Variants in LCLAT1 observed in about 807,000 individuals in gnomAD.
LCLAT1 encodes the protein 1-AGP acyltransferase 8.
Under a neutral mutation model 30.7 loss-of-function variants are expected in LCLAT1, and 11 were observed. That is an observed-to-expected ratio of 0.36 (90% CI 0.23 to 0.59). The LOEUF (loss-of-function observed/expected upper bound fraction) is 0.59, where lower values mean the gene tolerates loss of function less well. Ranked by LOEUF, LCLAT1 falls within the 20% of genes least tolerant of loss-of-function variation. The pLI is 0.77. For missense variants in LCLAT1, 402 were observed against 458.6 expected, an observed-to-expected ratio of 0.88 and a Z score of 1.13; for synonymous variants, 155 against 151.3, an observed-to-expected ratio of 1.02 and a Z score of -0.18.
chr2:30,628,401 G>A (rs1357700824), intron 5 of LCLAT1, among the ~76,000 whole-genome samples: 2 of 152,186 alleles, frequency 1.3e-5, no homozygotes, highest in Non-Finnish European at 2.9e-5. Flanking sequence ...TTTTGGGAGG[G>A]ATATAAGGTA....
At chr2:30,505,436 T>A (rs1434168008) in intron 1 of LCLAT1, among the ~76,000 whole-genome samples, 1 of 152,110 alleles carries the variant, frequency 6.6e-6, no homozygotes, top group Non-Finnish European at 1.5e-5. Flanking sequence ...CTTTGTATAT[T>A]TATTGAGCAT....
chr2:30,490,677 G>A (rs1376362477), intron 1 of LCLAT1, among the ~76,000 whole-genome samples: 2 of 152,170 alleles, frequency 1.3e-5, no homozygotes, highest in African/African-American at 4.8e-5. Context: ...TTAAGATTTT[G>A]AACTCATAAA....
intron 5 of LCLAT1, chr2:30,605,925 C>T (rs1273534231): frequency 2.2e-6 from 2 of 897,008 alleles, no homozygotes; most frequent in East Asian, 1.0e-4. Flanking sequence ...ATAAGGAGCG[C>T]GCAACCTAGA....
At chr2:30,531,264 C>T (rs560858580) in intron 2 of LCLAT1, among the ~76,000 whole-genome samples, 51 of 151,520 alleles carry the variant, frequency 3.4e-4, no homozygotes, top group Non-Finnish European at 6.5e-4. Flanking sequence ...GACTCCGTCT[C>T]AAAAGAAAAA....
At position 30,471,040 on chromosome 2, in the gene LCLAT1, G is replaced by A. The variant is rs188645532; in HGVS notation, c.-5+23657G>A. ...GCAATTCTCTGCCTCAGCCTCCCGA[G>A]TAGCTGGGATTACAGGCGCCCACCA... is the stretch of plus-strand genomic sequence containing the variant. On this transcript the variant is annotated intron_variant, in intron 1 of 5. Coordinates refer to ENST00000379509, the MANE Select transcript of LCLAT1 (RefSeq NM_001002257.3). Among the ~76,000 whole-genome samples the A allele has an allele frequency of 7.1e-4, 106 of 148,868 alleles. No homozygotes were observed. The East Asian group carries it at 0.019, about 26-fold the overall frequency.
chr2:30,547,022 A>C (rs1373097286), intron 3 of LCLAT1, among the ~76,000 whole-genome samples: 1 of 151,878 alleles, frequency 6.6e-6, no homozygotes, highest in African/African-American at 2.4e-5. Context: ...TTAAGCCCCC[A>C]CAGGACTCAG....
intron 1 of LCLAT1, among the ~76,000 whole-genome samples, chr2:30,493,741 G>A (rs888863474): frequency 6.6e-6 from 1 of 151,990 alleles, no homozygotes; most frequent in Non-Finnish European, 1.5e-5. Flanking sequence ...TAGAATAATG[G>A]GGGCTATCAA....
chr2:30,522,501 A>T (rs1170021557), intron 1 of LCLAT1, among the ~76,000 whole-genome samples: 4 of 152,236 alleles, frequency 2.6e-5, no homozygotes, highest in Non-Finnish European at 5.9e-5. Context: ...ATGCAGAGTC[A>T]CATAGGAGCT....
intron 1 of LCLAT1, among the ~76,000 whole-genome samples, chr2:30,462,477 T>G (rs1558452639): frequency 6.6e-6 from 1 of 152,186 alleles, no homozygotes; most frequent in Non-Finnish European, 1.5e-5. Flanking sequence ...ATTTTGAGAA[T>G]TGTGACTGAG....
At chr2:30,537,045 A>G (rs746466072) in intron 3 of LCLAT1, among the ~76,000 whole-genome samples, 1 of 152,226 alleles carries the variant, frequency 6.6e-6, no homozygotes, top group Non-Finnish European at 1.5e-5. Context: ...TGCACATGGA[A>G]ACCAAACATG....
At chr2:30,584,051 T>G (rs1356862257) in intron 5 of LCLAT1, among the ~76,000 whole-genome samples, 5 of 151,302 alleles carry the variant, frequency 3.3e-5, no homozygotes, top group Non-Finnish European at 5.9e-5. Context: ...CAGGCCCTGG[T>G]GTGTGTTGTT....
intron 5 of LCLAT1, among the ~76,000 whole-genome samples, chr2:30,617,974 A>G (rs1048666750): frequency 1.3e-5 from 2 of 152,080 alleles, no homozygotes; most frequent in African/African-American, 4.8e-5. Flanking sequence ...TCTTATGAAG[A>G]GTAGATGTGT....
chr2:30,566,483 A>C (rs555773736), intron 4 of LCLAT1, among the ~76,000 whole-genome samples: 6 of 152,238 alleles, frequency 3.9e-5, no homozygotes, highest in Admixed American at 3.9e-4. Flanking sequence ...GCCCGGCTCA[A>C]TTCCTTTATC....
chr2:30,483,685 A>C (rs1167507763), intron 1 of LCLAT1, among the ~76,000 whole-genome samples: 1 of 152,190 alleles, frequency 6.6e-6, no homozygotes, highest in African/African-American at 2.4e-5. Context: ...GAGCTATAAG[A>C]GATCTGGCAT....
intron 1 of LCLAT1, among the ~76,000 whole-genome samples, chr2:30,488,627 T>C (rs2148322972): frequency 6.6e-6 from 1 of 152,374 alleles, no homozygotes; most frequent in South Asian, 2.1e-4. Context: ...CGTTTTTTCC[T>C]CTGGAAATAA....
intron 5 of LCLAT1, among the ~76,000 whole-genome samples, chr2:30,570,358 A>G (rs1422372833): frequency 6.6e-6 from 1 of 152,202 alleles, no homozygotes; most frequent in Non-Finnish European, 1.5e-5. Flanking sequence ...CTTGTATACT[A>G]TAATAATAAA....
In LCLAT1 at chr2:30,640,423, T is replaced by C. The variant is rs1322469049; in HGVS notation, c.935T>C (p.Ile312Thr). Residue 312 changes from isoleucine (I) to threonine (T), a missense_variant, in exon 6 of 6, where the codon ATA becomes ACA. Physicochemically the swap from Ile to Thr is moderately conservative, Grantham distance 89. Coordinates refer to ENST00000379509, the MANE Select transcript of LCLAT1 (RefSeq NM_001002257.3). ...GTCCTTGTGGTCAAATTGCTCTCTA[T>C]ACTGTATTGGACCCTGTTCAGCCCT... ...LRVLVVKLLS[I>T]LYWTLFSPAM... 1.9e-6 allele frequency: 3 copies of C among 1,614,232 alleles called. No individual in the cohort carries two copies. The highest frequency in any genetic ancestry group is 2.2e-5 in the South Asian group (2 of 91,088).
chr2:30,571,123 A>AT (rs1251831987), intron 5 of LCLAT1, among the ~76,000 whole-genome samples: 1 of 152,224 alleles, frequency 6.6e-6, no homozygotes, highest in Non-Finnish European at 1.5e-5. Flanking sequence ...AGCAGTTTAT[A>AT]TTTCAATCCA....
At chr2:30,461,718 A>G (rs1450218165) in intron 1 of LCLAT1, among the ~76,000 whole-genome samples, 5 of 151,046 alleles carry the variant, frequency 3.3e-5, no homozygotes, top group African/African-American at 1.2e-4. Flanking sequence ...TGCTGTAGAC[A>G]TTATTACCCT....
Sources: gnomAD v4.1 joint callset for allele counts (sites outside exome capture counted in the v4.1 genomes callset) on GRCh38, gnomAD v4.1.1 for gene constraint, MANE v1.5 for transcripts, NCBI Gene and HGNC (gene_info 2026-07-23, HGNC 2026-07-21) for gene names.